Variants in MED12L observed in about 807,000 individuals in gnomAD.
MED12L encodes mediator of RNA polymerase II transcription subunit 12-like protein.
Under a neutral mutation model 281.3 loss-of-function variants are expected in MED12L, and 60 were observed. The ratio of observed to expected loss-of-function variants is 0.21; its 90% CI spans 0.17 to 0.26. The LOEUF is 0.26. Among genes scored for constraint, MED12L ranks in the 10% least tolerant of loss-of-function variants. The pLI is 1.00. For synonymous variants in MED12L, 974 were observed against 987.2 expected (o/e 0.99, Z 0.25); for missense variants, 2,146 against 2,680.9 (o/e 0.80, Z 4.41).
chr3:151,180,630 G>A (rs1722597589), intron 11 of MED12L, among the ~76,000 whole-genome samples: 1 of 152,150 alleles, frequency 6.6e-6, no homozygotes, highest in South Asian at 2.1e-4. Context: ...GTGTTCAAAA[G>A]AACTCTTTTC....
intron 39 of MED12L, among the ~76,000 whole-genome samples, chr3:151,404,194 T>C (rs1311448927): frequency 6.6e-6 from 1 of 152,218 alleles, no homozygotes; most frequent in African/African-American, 2.4e-5. Context: ...AAAATGTGTA[T>C]TTTTGCTATC....
intron 1 of MED12L, 110 bp from the exon 2 acceptor site, chr3:151,086,688 G>C (rs1719259455): frequency 2.7e-6 from 1 of 371,800 alleles, no homozygotes; most frequent in Non-Finnish European, 4.9e-6. Flanking sequence ...GGAGCGGTGC[G>C]TCCCGGGGCT....
chr3:151,146,656 A>G (rs1353339483), intron 5 of MED12L, among the ~76,000 whole-genome samples: 1 of 152,248 alleles, frequency 6.6e-6, no homozygotes, highest in East Asian at 1.9e-4. Context: ...ATAACATAGT[A>G]AAATGAGTCA....
In MED12L at chr3:151,194,284, G is replaced by C. The variant is rs139231332; in HGVS notation, c.2250+618G>C. Among the ~76,000 whole-genome samples, 12 of 152,210 alleles carry C rather than the reference G, an allele frequency of 7.9e-5. No individual in the cohort carries two copies. In the East Asian group the frequency reaches 2.1e-3, roughly 27 times the overall value. ...GCCAGGCGTAAATGTGTTCTAATTTGAAAGTAAATTTGCTGAGTAGCTTTT... is the reference window on the plus strand; with the variant it reads ...GCCAGGCGTAAATGTGTTCTAATTTCAAAGTAAATTTGCTGAGTAGCTTTT... On this transcript the variant is annotated intron_variant, in intron 16 of 44. Transcript: ENST00000687756.
chr3:151,190,721 C>A lies in MED12L; in HGVS notation c.1758C>A (p.Asp586Glu). The stretch of plus-strand genomic sequence containing the variant: ...ATTGAATTTGTTTCTCTATAGCGGA[C>A]CCAAACAGTGAATGTGAAAAGGTGG... ...FLDTQAPSLSDPNSECEKVEF... is the reference protein window; with the variant it reads ...FLDTQAPSLSEPNSECEKVEF... The change falls in exon 14 of 45, where the codon GAC (aspartate) becomes GAA (glutamate). Residue 586 changes from aspartate (D) to glutamate (E), a missense_variant. Asp to Glu is a conservative substitution (Grantham distance 45, BLOSUM62 2). Coordinates refer to ENST00000687756, the MANE Select transcript of MED12L (RefSeq NM_001393769.1). 6.2e-7 allele frequency: 1 copy of A among 1,614,008 alleles called. No homozygotes were observed. Among genetic ancestry groups the A allele is most frequent in the Non-Finnish European group, 8.5e-7 (1 of 1,179,956 alleles).
At chr3:151,410,328 T>A (rs1716799940) in intron 40 of MED12L, among the ~76,000 whole-genome samples, 2 of 152,234 alleles carry the variant, frequency 1.3e-5, no homozygotes, top group South Asian at 4.1e-4. Context: ...GATTGCTAGT[T>A]GGATTGACAA....
chr3:151,367,516 C>A, intron 23 of MED12L, 130 bp from the exon 24 acceptor site: 1 of 732,168 alleles, frequency 1.4e-6, no homozygotes, highest in Non-Finnish European at 2.1e-6. Context: ...GATATGTTAT[C>A]ATTTCCCTCT....
intron 16 of MED12L, among the ~76,000 whole-genome samples, chr3:151,196,454 C>T (rs1724673429): frequency 6.6e-6 from 1 of 152,110 alleles, no homozygotes; most frequent in Non-Finnish European, 1.5e-5. Context: ...AAGTGTTTTC[C>T]ATGTCCCCAT....
Position 151,338,685 on chromosome 3 carries a change from C to T in MED12L, c.2251-11374C>T, listed in dbSNP as rs770337997. ...AAAAATAATAAAGTTTGATTTACTC[C>T]GGATTTGAAAGAAAATCCTCATCGC... On this transcript the variant is annotated intron_variant, in intron 16 of 44. Coordinates refer to ENST00000687756, the MANE Select transcript of MED12L (RefSeq NM_001393769.1). 22 of 1,613,474 alleles carry T rather than the reference C, an allele frequency of 1.4e-5. No individual in the cohort carries two copies. The highest frequency in any genetic ancestry group is 1.0e-4 in the Admixed American group (6 of 59,848).
At chr3:151,183,115 A>T (rs1288398096) in intron 11 of MED12L, among the ~76,000 whole-genome samples, 1 of 151,734 alleles carries the variant, frequency 6.6e-6, no homozygotes, top group Non-Finnish European at 1.5e-5. Context: ...CCCAATTTAC[A>T]TTTTTTTCCC....
At chr3:151,409,354 G>A (rs781398339) in intron 40 of MED12L, 22 bp downstream of exon 40, 6 of 1,608,500 alleles carry the variant, frequency 3.7e-6, no homozygotes, top group Non-Finnish European at 2.6e-6. Flanking sequence ...TGCTTTGTAG[G>A]TACTGACAGG....
chr3:151,254,456 G>T (rs1737436753), intron 16 of MED12L, among the ~76,000 whole-genome samples: 1 of 152,202 alleles, frequency 6.6e-6, no homozygotes, highest in Non-Finnish European at 1.5e-5. Flanking sequence ...GCTTCCCTCT[G>T]GGTTCTGCCT....
Position 151,243,274 on chromosome 3 carries a change from A to G in MED12L, c.2250+49608A>G, listed in dbSNP as rs1337310298. Among the ~76,000 whole-genome samples the G allele has an allele frequency of 1.9e-3, 290 of 151,902 alleles. 9 individuals carry two copies. Among genetic ancestry groups the G allele is most frequent in the Admixed American group, 0.019 (289 of 15,238 alleles). ...TCAGGAAGTACAGAGAACGCCACAA[A>G]GATACTCCTCGAGAAGAGCAACTCC... On this transcript the variant is annotated intron_variant, in intron 16 of 44. Transcript: ENST00000687756.
At chr3:151,124,320 C>G (rs1283461086) in intron 4 of MED12L, among the ~76,000 whole-genome samples, 1 of 152,164 alleles carries the variant, frequency 6.6e-6, no homozygotes, top group East Asian at 1.9e-4. Context: ...ATTCTTCTTT[C>G]TTTATTGGGA....
chr3:151,371,256 G>A (rs945651148), intron 26 of MED12L, among the ~76,000 whole-genome samples: 2 of 152,178 alleles, frequency 1.3e-5, no homozygotes, highest in African/African-American at 2.4e-5. Context: ...GAGTTAGGGA[G>A]ATGGGACCAT....
At chr3:151,400,329 G>T (rs1038745304) in intron 39 of MED12L, among the ~76,000 whole-genome samples, 1 of 152,076 alleles carries the variant, frequency 6.6e-6, no homozygotes, top group Admixed American at 6.5e-5. Context: ...TCCAAAGAAG[G>T]ATAGACAGAA....
chr3:151,197,445 G>A (rs1049913623), intron 16 of MED12L, among the ~76,000 whole-genome samples: 1 of 152,134 alleles, frequency 6.6e-6, no homozygotes, highest in East Asian at 1.9e-4. Context: ...ACCACGCCCG[G>A]CTGGAGTCAC....
intron 5 of MED12L, among the ~76,000 whole-genome samples, chr3:151,151,273 G>A (rs1718464115): frequency 6.6e-6 from 1 of 151,764 alleles, no homozygotes; most frequent in Non-Finnish European, 1.5e-5. Context: ...TCCTGACCAC[G>A]TGATCCGCAT....
At chr3:151,322,509 CTT>C (rs2149828821) in intron 16 of MED12L, among the ~76,000 whole-genome samples, 1 of 152,126 alleles carries the variant, frequency 6.6e-6, no homozygotes, top group African/African-American at 2.4e-5. Flanking sequence ...CCATGGAACT[CTT>C]TTAAACTGAC....
Sources: gnomAD v4.1 joint callset for allele counts (sites outside exome capture counted in the v4.1 genomes callset) on GRCh38, gnomAD v4.1.1 for gene constraint, MANE v1.5 for transcripts, NCBI Gene and HGNC (gene_info 2026-07-23, HGNC 2026-07-21) for gene names.